Variants in MICA observed in about 807,000 individuals in gnomAD.
MICA encodes the protein HLA class I antigen.
MICA carries 18 observed loss-of-function variants against 34.3 expected under a neutral mutation model. The observed-to-expected ratio is 0.52, with a 90% CI of 0.36 to 0.78. MICA has a LOEUF of 0.78. MICA is among the 30% of genes least tolerant of loss of function. The probability of loss-of-function intolerance (pLI) is 0.00; values close to 1 mark genes in which losing one functional copy is unlikely to be tolerated. For synonymous variants in MICA, 135 were observed against 156.9 expected (o/e 0.86, Z 1.04); for missense variants, 333 against 409.4 (o/e 0.81, Z 1.61).
At chr6:31,401,138 G>A (rs571795437), upstream of MICA, among the ~76,000 whole-genome samples, 10 of 151,660 alleles carry the variant, frequency 6.6e-5, no homozygotes, top group Admixed American at 2.6e-4. Context: ...AGACACCGTG[G>A]AGGTAAGGGC....
upstream of MICA, among the ~76,000 whole-genome samples, chr6:31,401,301 A>C (rs544175266): frequency 2.0e-5 from 3 of 152,028 alleles, no homozygotes; most frequent in South Asian, 6.2e-4. Flanking sequence ...ATAAATTATC[A>C]GTGAATGTGA....
intron 5 of MICA, among the ~76,000 whole-genome samples, chr6:31,413,525 A>G (rs755529990): frequency 7.9e-5 from 12 of 151,930 alleles, no homozygotes; most frequent in Non-Finnish European, 1.5e-4. Flanking sequence ...TGTTTCTGCA[A>G]AGACAGAAGC....
chr6:31,401,433 A>G (rs1344975645), upstream of MICA, among the ~76,000 whole-genome samples: 4 of 151,802 alleles, frequency 2.6e-5, no homozygotes, highest in Non-Finnish European at 5.9e-5. Context: ...ACTTAAAAAA[A>G]AAGTTTGTGA....
At chr6:31,413,833 C>T (rs566530443) in intron 5 of MICA, among the ~76,000 whole-genome samples, 431 of 152,006 alleles carry the variant, frequency 2.8e-3, no homozygotes, top group Non-Finnish European at 5.5e-3. Flanking sequence ...GGAGTTTTGG[C>T]CAGGAAAAGA....
intron 1 of MICA, among the ~76,000 whole-genome samples, chr6:31,409,479 T>C (rs1770951840): frequency 6.6e-6 from 1 of 151,956 alleles, no homozygotes; most frequent in Non-Finnish European, 1.5e-5. Context: ...AATTGGCCAT[T>C]TAAGTCTTTT....
rs968731885 is a variant in MICA, at chr6:31,414,928, G to A, written c.*30-84G>A. On this transcript the variant is annotated intron_variant, in intron 5 of 5. Transcript: ENST00000449934. ...GAGAAAGGGCAAATCTGGTTTTGGA[G>A]CAACTGAAGAGAGAAAAGTCCCCAG... 7 of 1,131,940 alleles carry A rather than the reference G, an allele frequency of 6.2e-6. No homozygotes were observed. The African/African-American group carries it at 9.4e-5, about 15-fold the overall frequency. 70.1% of individuals were successfully genotyped at this position (1,131,940 alleles called of 1,614,324 possible). A position where few individuals can be genotyped will look rare whatever the true frequency, so the allele number is the denominator to read the frequency against.
intron 1 of MICA, among the ~76,000 whole-genome samples, chr6:31,409,906 G>C (rs533341769): frequency 1.3e-5 from 2 of 151,768 alleles, no homozygotes; most frequent in Non-Finnish European, 2.9e-5. Flanking sequence ...GACACTAGCT[G>C]TTCCATCCAA....
At chr6:31,404,908 C>T (rs529082733) in intron 1 of MICA, among the ~76,000 whole-genome samples, 135 of 151,678 alleles carry the variant, frequency 8.9e-4, no homozygotes, top group African/African-American at 3.1e-3. Context: ...GGTCCCTCCG[C>T]CCCTCTCCAC....
rs1485241340 is a variant in MICA at position 31,411,178 on chromosome 6, C to T, written c.432C>T (p.Asn144=). The change falls in exon 3 of 6, where the codon AAC becomes AAT. Residue 144 remains asparagine (N), a synonymous_variant. Coordinates refer to ENST00000449934, the MANE Select transcript of MICA (RefSeq NM_001177519.3). This position sits in a 1 kb window ranked among gnomAD's most constrained non-coding sequence, Gnocchi z 4.3. ...YYDGELFLSQ[N]LETEEWTVPQ... ...ATGGGGAGCTCTTCCTCTCCCAAAA[C>T]CTGGAGACTGAGGAATGGACAGTGC... is the stretch of plus-strand genomic sequence containing the variant. 6.2e-7 allele frequency: 1 copy of T among 1,613,334 alleles called. No homozygotes were observed. Among genetic ancestry groups the T allele is most frequent in the South Asian group, 1.1e-5 (1 of 90,996 alleles).
chr6:31,407,434 C>T (rs1332953578), intron 1 of MICA, among the ~76,000 whole-genome samples: 1 of 151,818 alleles, frequency 6.6e-6, no homozygotes, highest in African/African-American at 2.4e-5. Context: ...TGGGGTTTCT[C>T]TATGTTGGCC....
At chr6:31,414,724 A>G (rs1316908041) in intron 5 of MICA, among the ~76,000 whole-genome samples, 1 of 151,768 alleles carries the variant, frequency 6.6e-6, no homozygotes, top group African/African-American at 2.4e-5. Flanking sequence ...GCCTGAGAGG[A>G]GGGCACTGGG....
At position 31,411,188 on chromosome 6, in the gene MICA, G is replaced by A. The variant is rs1051791; in HGVS notation, c.442G>A (p.Glu148Lys). The A allele has an allele frequency of 0.011, 18,012 of 1,613,366 alleles. 232 individuals carry two copies. The highest frequency in any genetic ancestry group is 0.019 in the African/African-American group (1,455 of 74,816). ...ELFLSQNLET[E>K]EWTVPQSSRA... The stretch of plus-strand genomic sequence containing the variant: ...CTTCCTCTCCCAAAACCTGGAGACT[G>A]AGGAATGGACAGTGCCCCAGTCCTC... Residue 148 changes from glutamate to lysine, a missense_variant, in exon 3 of 6, where the codon GAG (glutamate) becomes AAG (lysine). By Grantham distance (56) the Glu-to-Lys change is moderately conservative. Transcript: ENST00000449934. This position sits in a 1 kb window ranked among gnomAD's most constrained non-coding sequence, Gnocchi z 4.3.
rs779201293 is a variant in MICA, at chr6:31,412,194, C to T, written c.861C>T (p.Ser287=). ...GGTTCACCTGCTACATGGAACACAGCGGGAATCACAGCACTCACCCTGTGC... is the reference window on the plus strand; with the variant it reads ...GGTTCACCTGCTACATGGAACACAGTGGGAATCACAGCACTCACCCTGTGC... ...EQRFTCYMEH[S]GNHSTHPVPS... Residue 287 remains serine, a synonymous_variant, in exon 4 of 6, where the codon AGC becomes AGT. Coordinates refer to ENST00000449934, the MANE Select transcript of MICA (RefSeq NM_001177519.3). The T allele has an allele frequency of 4.3e-6, 7 of 1,611,268 alleles. No homozygotes were observed. The highest frequency in any genetic ancestry group is 5.9e-6 in the Non-Finnish European group (7 of 1,179,214).
In MICA at chr6:31,415,266, G is replaced by A. The variant is rs527595816; in HGVS notation, c.*284G>A. 1.9e-6 allele frequency: 1 copy of A among 539,450 alleles called. No individual in the cohort carries two copies. The highest frequency in any genetic ancestry group is 3.4e-6 in the Non-Finnish European group (1 of 297,474). The allele number at this position is 539,450 out of a possible 1,614,324, so 33.4% of individuals were successfully genotyped here. A position where few individuals can be genotyped will look rare whatever the true frequency, so the allele number is the denominator to read the frequency against. On this transcript the variant is annotated 3_prime_UTR_variant, in exon 6 of 6. Transcript: ENST00000449934. ...AAAGCACTTATTTATTGTTGTTGGA[G>A]GCTGCAAAATGTTAGTAGATATGAG...
intron 1 of MICA, among the ~76,000 whole-genome samples, chr6:31,409,413 G>C (rs948182944): frequency 6.8e-6 from 1 of 148,062 alleles, no homozygotes; most frequent in Non-Finnish European, 1.5e-5. Flanking sequence ...CCTAATGAGT[G>C]CTGATATTGA....
At position 31,411,441 on chromosome 6, in the gene MICA, C is replaced by G; in HGVS notation, c.613+82C>G. The G allele has an allele frequency of 7.5e-7, 1 of 1,328,850 alleles. No homozygotes were observed. The highest frequency in any genetic ancestry group is 1.5e-5 in the South Asian group (1 of 68,136). The allele number at this position is 1,328,850 out of a possible 1,614,324, so 82.3% of individuals were successfully genotyped here. A position where few individuals can be genotyped will look rare whatever the true frequency, so the allele number is the denominator to read the frequency against. ...CCTCCCAGATGTGTCCAGGGAAACC[C>G]TCCCTGTGCTATGGATGAAGGCATT... On this transcript the variant is annotated intron_variant, in intron 3 of 5. Coordinates refer to ENST00000449934, the MANE Select transcript of MICA (RefSeq NM_001177519.3). This position sits in a 1 kb window ranked among gnomAD's most constrained non-coding sequence, Gnocchi z 4.3.
rs751182756 is a variant in MICA, at chr6:31,411,298, T to G, written c.552T>G (p.His184Gln). 4.4e-6 allele frequency: 7 copies of G among 1,606,350 alleles called. No individual in the cohort carries two copies. Among genetic ancestry groups the G allele is most frequent in the Admixed American group, 1.7e-5 (1 of 57,814 alleles). ...CCAAGACACACTATCACGCTATGCA[T>G]GCAGACTGCCTGCAGGAACTACGGC... ...MKTKTHYHAM[H>Q]ADCLQELRRY... Residue 184 changes from histidine to glutamine, a missense_variant, in exon 3 of 6, where the codon CAT becomes CAG. Transcript: ENST00000449934. This position sits in a 1 kb window ranked among gnomAD's most constrained non-coding sequence, Gnocchi z 4.3.
At chr6:31,409,233 T>G (rs1420345247) in intron 1 of MICA, among the ~76,000 whole-genome samples, 1 of 151,770 alleles carries the variant, frequency 6.6e-6, no homozygotes, top group Non-Finnish European at 1.5e-5. Flanking sequence ...CTTTGGGTAT[T>G]TCTTTTGGGT....
intron 1 of MICA, among the ~76,000 whole-genome samples, chr6:31,407,550 T>C (rs1770816858): frequency 6.7e-6 from 1 of 149,124 alleles, no homozygotes; most frequent in Admixed American, 6.8e-5. Flanking sequence ...CACTGTTTTA[T>C]AGTTTTTATT....
Sources: gnomAD v4.1 joint callset for allele counts (sites outside exome capture counted in the v4.1 genomes callset) on GRCh38, gnomAD v4.1.1 for gene constraint, Gnocchi (gnomAD v3.1) non-coding constraint, MANE v1.5 for transcripts, NCBI Gene and HGNC (gene_info 2026-07-23, HGNC 2026-07-21) for gene names.